The following ADAMTS12 variants were observed in gnomAD, a reference collection of about 807,000 sequenced individuals.
ADAMTS12 encodes ADAM metallopeptidase with thrombospondin type 1 motif 12, also known as A disintegrin and metalloproteinase with thrombospondin motifs 12.
ADAMTS12 carries 118 observed loss-of-function variants against 167.8 expected under a neutral mutation model. That is an observed-to-expected ratio of 0.70 (90% CI 0.61 to 0.82). ADAMTS12 has a LOEUF of 0.82. ADAMTS12 is among the 40% of genes least tolerant of loss of function. The pLI, the probability that ADAMTS12 is intolerant of heterozygous loss-of-function variation, is 0.00. For missense variants in ADAMTS12, 1,916 were observed against 1,998.8 expected (o/e 0.96, Z 0.79); for synonymous variants, 704 against 716.9 (o/e 0.98, Z 0.29).
At chr5:33,606,581 C>T (rs1738449293) in intron 16 of ADAMTS12, among the ~76,000 whole-genome samples, 1 of 152,104 alleles carries the variant, frequency 6.6e-6, no homozygotes, top group Non-Finnish European at 1.5e-5. Flanking sequence ...ATTCGTGAGT[C>T]CTATGTGAGG....
At chr5:33,627,538 T>C (rs948537982) in intron 13 of ADAMTS12, among the ~76,000 whole-genome samples, 2 of 151,938 alleles carry the variant, frequency 1.3e-5, no homozygotes, top group African/African-American at 4.8e-5. Context: ...TAGTGAGTAA[T>C]TAACTGTGAG....
At chr5:33,624,165 A>G in intron 14 of ADAMTS12, 66 bp downstream of exon 14, 1 of 1,601,172 alleles carries the variant, frequency 6.2e-7, no homozygotes, top group East Asian at 2.2e-5. Context: ...CTAGGAACCA[A>G]TCAACCATTT....
At chr5:33,590,258 G>C (rs1466398437) in intron 17 of ADAMTS12, among the ~76,000 whole-genome samples, 1 of 152,162 alleles carries the variant, frequency 6.6e-6, no homozygotes, top group Non-Finnish European at 1.5e-5. Flanking sequence ...AGACGTTCTT[G>C]TTTTCTCTTC....
At chr5:33,807,044 A>G (rs1747263229) in intron 2 of ADAMTS12, among the ~76,000 whole-genome samples, 1 of 152,110 alleles carries the variant, frequency 6.6e-6, no homozygotes, top group Non-Finnish European at 1.5e-5. Context: ...TAAATTCTGA[A>G]TTCCTACACA....
chr5:33,655,628 T>TA (rs70964409), intron 7 of ADAMTS12, among the ~76,000 whole-genome samples: 11,985 of 145,696 alleles, frequency 0.082, 901 homozygotes, highest in Non-Finnish European at 0.1. Flanking sequence ...TAGTTTTATT[T>TA]ATTTAATTTA....
At chr5:33,799,411 C>G (rs1326545260) in intron 2 of ADAMTS12, among the ~76,000 whole-genome samples, 2 of 152,224 alleles carry the variant, frequency 1.3e-5, no homozygotes, top group African/African-American at 4.8e-5. Context: ...TCCCATCACA[C>G]TCTCCCTCCT....
intron 2 of ADAMTS12, among the ~76,000 whole-genome samples, chr5:33,772,359 C>T (rs1165619899): frequency 6.6e-6 from 1 of 152,170 alleles, no homozygotes; most frequent in African/African-American, 2.4e-5. Context: ...TCACCTCACA[C>T]CTTCAACCCA....
At chr5:33,872,359 T>A (rs555306204) in intron 2 of ADAMTS12, among the ~76,000 whole-genome samples, 3 of 151,678 alleles carry the variant, frequency 2.0e-5, no homozygotes, top group Non-Finnish European at 4.4e-5. Context: ...GCCTGGCCAA[T>A]ATGGTGAAAC....
Position 33,867,788 on chromosome 5 carries a change from T to C in ADAMTS12, c.489+13331A>G, listed in dbSNP as rs181568410. ...AGAATTTTTTTATCTGCTTGTTTTATCAATTATACTAAGTCAAATGTAATA... is the reference window on the plus strand; with the variant it reads ...AGAATTTTTTTATCTGCTTGTTTTACCAATTATACTAAGTCAAATGTAATA... On this transcript the variant is annotated intron_variant, in intron 2 of 23. Transcript: ENST00000504830. Among the ~76,000 whole-genome samples the C allele has an allele frequency of 5.0e-3, 756 of 152,328 alleles. 7 individuals are homozygous for C. The highest frequency in any genetic ancestry group is 0.018 in the African/African-American group (735 of 41,574).
rs1314768584 is a variant in ADAMTS12, at chr5:33,867,723, AAATTATT to A, written c.489+13389_489+13395del. ...CTGTTATATATATGTCCACAAGTTA[AAATTATT>A]AATTGTGATGCACAAATCTTCTAGA... is the stretch of plus-strand genomic sequence containing the variant. On this transcript the variant is annotated intron_variant, in intron 2 of 23. Transcript: ENST00000504830. Among the ~76,000 whole-genome samples the A allele has an allele frequency of 2.0e-5, 3 of 152,310 alleles. No homozygotes were observed. In the East Asian group the frequency reaches 5.8e-4, roughly 29 times the overall value.
intron 10 of ADAMTS12, 129 bp downstream of exon 10, chr5:33,643,249 G>T: frequency 1.2e-6 from 1 of 853,102 alleles, no homozygotes; most frequent in Non-Finnish European, 1.9e-6. Context: ...CCTCTGGCTG[G>T]TCTGACTGTT....
chr5:33,537,412 C>T (rs1744471776), intron 22 of ADAMTS12, among the ~76,000 whole-genome samples: 1 of 152,190 alleles, frequency 6.6e-6, no homozygotes, highest in Non-Finnish European at 1.5e-5. Flanking sequence ...CTACTGGAGG[C>T]CTGTGAGTTG....
chr5:33,762,109 T>C (rs1745378973), intron 2 of ADAMTS12, among the ~76,000 whole-genome samples: 1 of 150,676 alleles, frequency 6.6e-6, no homozygotes, highest in African/African-American at 2.4e-5. Context: ...GGAGAATCGC[T>C]TGAACCTGGG....
chr5:33,557,196 T>C (rs1342593378), intron 20 of ADAMTS12, among the ~76,000 whole-genome samples: 1 of 152,198 alleles, frequency 6.6e-6, no homozygotes, highest in Non-Finnish European at 1.5e-5. Context: ...CAACATACCC[T>C]GTCATCCTAT....
At chr5:33,807,131 C>A (rs1357215380) in intron 2 of ADAMTS12, among the ~76,000 whole-genome samples, 1 of 152,202 alleles carries the variant, frequency 6.6e-6, no homozygotes, top group African/African-American at 2.4e-5. Flanking sequence ...TCTGTTTCAG[C>A]AATATTAGAC....
intron 7 of ADAMTS12, among the ~76,000 whole-genome samples, chr5:33,651,128 T>C (rs1740854755): frequency 6.6e-6 from 1 of 152,152 alleles, no homozygotes; most frequent in African/African-American, 2.4e-5. Context: ...AAGAATGTGG[T>C]TCAACGAAAG....
At chr5:33,804,979 C>T (rs185421271) in intron 2 of ADAMTS12, among the ~76,000 whole-genome samples, 1 of 152,314 alleles carries the variant, frequency 6.6e-6, no homozygotes, top group East Asian at 1.9e-4. Context: ...TCCCACTTTG[C>T]ACCCCTGACA....
At chr5:33,543,499 T>G (rs952776664) in intron 22 of ADAMTS12, among the ~76,000 whole-genome samples, 1 of 152,134 alleles carries the variant, frequency 6.6e-6, no homozygotes, top group African/African-American at 2.4e-5. Context: ...GGGAATCCTC[T>G]GTAACTCATT....
At chr5:33,680,864 T>C (rs527848706) in intron 5 of ADAMTS12, among the ~76,000 whole-genome samples, 7 of 152,286 alleles carry the variant, frequency 4.6e-5, no homozygotes, top group Admixed American at 1.3e-4. Flanking sequence ...CCAATTTTTA[T>C]TGGTCTGGTT....
Sources: allele counts gnomAD v4.1 joint callset (sites outside exome capture counted in the v4.1 genomes callset), GRCh38; gene constraint gnomAD v4.1.1; transcripts MANE v1.5; gene names NCBI Gene and HGNC (gene_info 2026-07-23, HGNC 2026-07-21).